TERF2: variants seen among roughly 807,000 people sequenced by gnomAD.
TERF2 encodes the protein telomeric repeat binding factor 2, also known as telomeric repeat-binding factor 2.
Under a neutral mutation model 56.1 loss-of-function variants are expected in TERF2, and 16 were observed. That is an observed-to-expected ratio of 0.29 (90% CI 0.19 to 0.43). TERF2 has a LOEUF of 0.43. TERF2 is among the 20% of genes least tolerant of loss of function. TERF2 has a pLI of 1.00. For missense variants in TERF2, 547 were observed against 712.9 expected (o/e 0.77, Z 2.65); for synonymous variants, 296 against 282.1 (o/e 1.05, Z -0.50).
intron 4 of TERF2, among the ~76,000 whole-genome samples, 188 bp from the exon 5 acceptor site, chr16:69,370,817 AC>A (rs1482504630): frequency 2.0e-5 from 3 of 152,252 alleles, no homozygotes; most frequent in Non-Finnish European, 4.4e-5. Flanking sequence ...ACAGTGGGTT[AC>A]TATGCAGCTA....
At position 69,367,305 on chromosome 16, in the gene TERF2, G is replaced by C; in HGVS notation, c.948-106C>G. On this transcript the variant is annotated intron_variant, in intron 6 of 9. Coordinates refer to ENST00000254942, the MANE Select transcript of TERF2 (RefSeq NM_005652.5). Reference sequence around the variant, plus strand: ...GAAGCTTCAAATTCCAGTTGAGGAGGCTTTAAATGTGATATGTAAGTTGTA... The same window carrying C: ...GAAGCTTCAAATTCCAGTTGAGGAGCCTTTAAATGTGATATGTAAGTTGTA... 6 of 1,205,040 alleles carry C rather than the reference G, an allele frequency of 5.0e-6. No homozygotes were observed. In the South Asian group the frequency reaches 9.4e-5, roughly 19 times the overall value. 74.6% of individuals were successfully genotyped at this position (1,205,040 alleles called of 1,614,324 possible).
intron 6 of TERF2, 107 bp downstream of exon 6, chr16:69,368,269 T>C: frequency 2.0e-6 from 2 of 998,570 alleles, no homozygotes; most frequent in Non-Finnish European, 3.0e-6. Context: ...TCGTAACACG[T>C]TAGTAGGTCG....
intron 7 of TERF2, among the ~76,000 whole-genome samples, chr16:69,363,454 A>T (rs1408674014): frequency 2.0e-5 from 3 of 152,098 alleles, no homozygotes; most frequent in African/African-American, 7.2e-5. Flanking sequence ...TCCCAAGTGG[A>T]TGGGGCTGAG....
intron 3 of TERF2, among the ~76,000 whole-genome samples, chr16:69,380,588 C>T (rs186178792): frequency 1.3e-5 from 2 of 148,898 alleles, no homozygotes; most frequent in East Asian, 2.1e-4. Context: ...ACCCAGGAGG[C>T]GGAGCTTGCA....
chr16:69,359,183 TTA>T, intron 8 of TERF2, among the ~76,000 whole-genome samples: 1 of 152,278 alleles, frequency 6.6e-6, no homozygotes, highest in South Asian at 2.1e-4. Flanking sequence ...ATAGGTGTGT[TTA>T]TATGTATAAT....
chr16:69,375,542 C>T (rs1383084491), intron 3 of TERF2, among the ~76,000 whole-genome samples: 1 of 152,186 alleles, frequency 6.6e-6, no homozygotes, highest in African/African-American at 2.4e-5. Context: ...ATTTAAAAAA[C>T]AGATGAAAAT....
At chr16:69,382,940 C>T (rs189588568) in intron 3 of TERF2, among the ~76,000 whole-genome samples, 7 of 152,204 alleles carry the variant, frequency 4.6e-5, no homozygotes, top group African/African-American at 1.4e-4. Context: ...AGATCTAGTA[C>T]GTGGTGGAGA....
In TERF2 at chr16:69,385,927, GC is replaced by G; in HGVS notation, c.44del (p.Gly15AlafsTer144). ...GTGACGCCGCTGGGTCACGCACGAC[GC>G]CCGGGCCGGAAGCGGGGCCCGCCGT... ...AGTAGPASGP[G>X]VVRDPAASQP... On this transcript the variant is annotated frameshift_variant, in exon 1 of 10. Coordinates refer to ENST00000254942, the MANE Select transcript of TERF2 (RefSeq NM_005652.5). LOFTEE classifies it high-confidence loss of function. 1 of 1,375,886 alleles carries G rather than the reference GC, an allele frequency of 7.3e-7. No homozygotes were observed. The highest frequency in any genetic ancestry group is 9.4e-7 in the Non-Finnish European group (1 of 1,063,480). The allele number at this position is 1,375,886 out of a possible 1,614,324, so 85.2% of individuals were successfully genotyped here. A position where few individuals can be genotyped will look rare whatever the true frequency, so the allele number is the denominator to read the frequency against.
At chr16:69,384,538 G>T in intron 3 of TERF2, 42 bp downstream of exon 3, 1 of 1,600,526 alleles carries the variant, frequency 6.2e-7, no homozygotes, top group South Asian at 1.1e-5. Flanking sequence ...AAAGACCCTT[G>T]ATTTTTGGTC....
At chr16:69,366,745 A>C in intron 7 of TERF2, 62 bp downstream of exon 7, 1 of 1,532,604 alleles carries the variant, frequency 6.5e-7, no homozygotes, top group Non-Finnish European at 8.8e-7. Flanking sequence ...CACGGAAGTA[A>C]TACCAGGCCC....
intron 7 of TERF2, among the ~76,000 whole-genome samples, chr16:69,363,005 T>G (rs1283701680): frequency 6.6e-6 from 1 of 152,256 alleles, no homozygotes; most frequent in East Asian, 1.9e-4. Context: ...TCCATAAGTT[T>G]TCTATGAAAT....
rs2013815052 is a variant in TERF2, at chr16:69,376,991, G to A, written c.607-4636C>T. Among the ~76,000 whole-genome samples the A allele has an allele frequency of 3.3e-5, 5 of 151,972 alleles. No individual in the cohort carries two copies. The South Asian group carries it at 1.0e-3, about 32-fold the overall frequency. On this transcript the variant is annotated intron_variant, in intron 3 of 9. Coordinates refer to ENST00000254942, the MANE Select transcript of TERF2 (RefSeq NM_005652.5). ...CGACGCAGGCGGATTGCCTGAGGTT[G>A]GGAGTTTGAGACCAGTCTGGCCAAC...
At chr16:69,372,646 C>T (rs1567451017) in intron 3 of TERF2, among the ~76,000 whole-genome samples, 1 of 152,086 alleles carries the variant, frequency 6.6e-6, no homozygotes, top group Non-Finnish European at 1.5e-5. Flanking sequence ...CCTGTAATCC[C>T]AGCTACTCGG....
At chr16:69,361,266 G>T in intron 8 of TERF2, 138 bp downstream of exon 8, 1 of 643,400 alleles carries the variant, frequency 1.6e-6, no homozygotes, top group Non-Finnish European at 2.8e-6. Context: ...GATTCTTCAT[G>T]AATTAAAATG....
At chr16:69,385,513 G>A in intron 1 of TERF2, 27 bp from the exon 2 acceptor site, 1 of 1,613,320 alleles carries the variant, frequency 6.2e-7, no homozygotes, top group Non-Finnish European at 8.5e-7. Context: ...CGTTGGCTGG[G>A]CGACCCCCAG....
chr16:69,385,320 G>T (rs919690381), intron 2 of TERF2, 71 bp downstream of exon 2: 10 of 1,329,662 alleles, frequency 7.5e-6, no homozygotes, highest in Middle Eastern at 3.6e-4. Flanking sequence ...GAATCCTTCA[G>T]TTCTAGATAT....
chr16:69,370,753 C>A (rs2013538743), intron 4 of TERF2, 124 bp from the exon 5 acceptor site: 1 of 963,406 alleles, frequency 1.0e-6, no homozygotes, highest in South Asian at 1.7e-5. Flanking sequence ...CACTGGCACA[C>A]ATACAGGAAG....
In TERF2 at chr16:69,362,617, T is replaced by C. The variant is rs138243412; in HGVS notation, c.1341-1128A>G. Among the ~76,000 whole-genome samples the C allele has an allele frequency of 2.1e-3, 326 of 152,280 alleles. 3 individuals are homozygous for C. The Middle Eastern group carries it at 0.041, about 19-fold the overall frequency. On this transcript the variant is annotated intron_variant, in intron 7 of 9. Transcript: ENST00000254942. ...CTTGTGAACATGAAACGTTAAATGCTTGGGTGTGGCTAAAAAAAGTACAAA... is the reference window on the plus strand; with the variant it reads ...CTTGTGAACATGAAACGTTAAATGCCTGGGTGTGGCTAAAAAAAGTACAAA...
intron 8 of TERF2, among the ~76,000 whole-genome samples, chr16:69,358,320 G>A (rs1473535218): frequency 6.6e-6 from 1 of 151,888 alleles, no homozygotes; most frequent in African/African-American, 2.4e-5. Context: ...GCTAATTTTT[G>A]TATTTTTAGT....
Sources: allele counts gnomAD v4.1 joint callset (sites outside exome capture counted in the v4.1 genomes callset), GRCh38; gene constraint gnomAD v4.1.1; transcripts MANE v1.5; gene names NCBI Gene and HGNC (gene_info 2026-07-23, HGNC 2026-07-21).